COG3: variants seen among roughly 807,000 people sequenced by gnomAD.
COG3 encodes component of oligomeric golgi complex 3.
Under a neutral mutation model 114.1 loss-of-function variants are expected in COG3, and 32 were observed. The ratio of observed to expected loss-of-function variants is 0.28; its 90% CI spans 0.21 to 0.38. COG3 has a LOEUF of 0.38. Ranked by LOEUF, COG3 falls within the 10% of genes least tolerant of loss-of-function variation. The probability of loss-of-function intolerance (pLI) is 1.00; values close to 1 mark genes in which losing one functional copy is unlikely to be tolerated. For missense variants in COG3, 813 were observed against 973.2 expected, an observed-to-expected ratio of 0.84 and a Z score of 2.19; for synonymous variants, 352 against 365.7, an observed-to-expected ratio of 0.96 and a Z score of 0.43.
At chr13:45,491,008 G>A in intron 9 of COG3, 50 bp downstream of exon 9, 1 of 1,243,034 alleles carries the variant, frequency 8.0e-7, no homozygotes, top group African/African-American at 1.5e-5. Context: ...TTGTCTTGTA[G>A]TACTGTTTTT....
chr13:45,485,010 A>T (rs1886496178), intron 7 of COG3, among the ~76,000 whole-genome samples: 2 of 139,676 alleles, frequency 1.4e-5, no homozygotes, highest in Non-Finnish European at 1.6e-5. Flanking sequence ...CCTTCCACAC[A>T]GACACGGCAA....
chr13:45,506,570 C>T (rs1289390919), intron 14 of COG3, among the ~76,000 whole-genome samples: 1 of 152,098 alleles, frequency 6.6e-6, no homozygotes, highest in South Asian at 2.1e-4. Flanking sequence ...AAATCTGCCC[C>T]TGGGGTAGGG....
intron 17 of COG3, 104 bp from the exon 18 acceptor site, chr13:45,518,658 G>A: frequency 1.3e-6 from 1 of 781,324 alleles, no homozygotes; most frequent in Non-Finnish European, 2.1e-6. Flanking sequence ...TGCTGAAGGT[G>A]AATTGGCTTT....
At chr13:45,527,980 A>G (rs1872834710) in intron 20 of COG3, among the ~76,000 whole-genome samples, 1 of 152,184 alleles carries the variant, frequency 6.6e-6, no homozygotes, top group Non-Finnish European at 1.5e-5. Flanking sequence ...CATTCCCAGG[A>G]GGTTAGGTAT....
At chr13:45,492,061 A>G (rs900436175) in intron 10 of COG3, 98 bp from the exon 11 acceptor site, 4 of 690,122 alleles carry the variant, frequency 5.8e-6, no homozygotes, top group Non-Finnish European at 9.8e-6. Context: ...AAGAGTGTGT[A>G]TGTGTTATCT....
In COG3 at chr13:45,534,834, C is replaced by A; in HGVS notation, c.*103C>A. The A allele has an allele frequency of 7.0e-7, 1 of 1,431,454 alleles. No homozygotes were observed. The highest frequency in any genetic ancestry group is 1.5e-5 in the South Asian group (1 of 64,554). The allele number at this position is 1,431,454 out of a possible 1,614,324, so 88.7% of individuals were successfully genotyped here. A position where few individuals can be genotyped will look rare whatever the true frequency, so the allele number is the denominator to read the frequency against. On this transcript the variant is annotated 3_prime_UTR_variant, in exon 23 of 23. Transcript: ENST00000349995. ...GAGGAATCGTATGTGGGAACGTCCC[C>A]GAGAACCACACGAGCGTGCTGCTCA...
At chr13:45,505,934 C>T (rs772958606) in intron 14 of COG3, among the ~76,000 whole-genome samples, 3 of 151,962 alleles carry the variant, frequency 2.0e-5, no homozygotes, top group Non-Finnish European at 2.9e-5. Context: ...CTGGTTCTGT[C>T]GGGCAGGATG....
At chr13:45,502,101 C>T (rs1016622335) in intron 13 of COG3, among the ~76,000 whole-genome samples, 2 of 152,088 alleles carry the variant, frequency 1.3e-5, no homozygotes, top group African/African-American at 4.8e-5. Flanking sequence ...CGGATAACAA[C>T]AGGGAGCAGA....
chr13:45,513,400 C>CATATAAATTATAT (rs1555298574), intron 16 of COG3, among the ~76,000 whole-genome samples: 1 of 35,118 alleles, frequency 2.8e-5, no homozygotes, highest in African/African-American at 1.9e-4. Context: ...ATAAATTATA[C>CATATAAATTATAT]ATATAATATA....
chr13:45,530,494 T>C (rs1420114702), intron 21 of COG3, among the ~76,000 whole-genome samples, 188 bp from the exon 22 acceptor site: 1 of 152,236 alleles, frequency 6.6e-6, no homozygotes, highest in Non-Finnish European at 1.5e-5. Context: ...CTGGGAAGCA[T>C]TATCTGATAA....
chr13:45,465,061 C>T lies in COG3; in HGVS notation c.25C>T (p.Leu9=). The change falls in exon 1 of 23, where the codon CTG becomes TTG. Residue 9 remains leucine, a synonymous_variant. Transcript: ENST00000349995. ...GATGGCGGAGGCGGCGCTGTTGCTG[C>T]TGCCTGAGGCGGCGGCGGAGCGGGA... MAEAALLL[L]PEAAAERDAR... The T allele has an allele frequency of 6.3e-7, 1 of 1,590,592 alleles. No homozygotes were observed. Among genetic ancestry groups the T allele is most frequent in the Non-Finnish European group, 8.5e-7 (1 of 1,169,978 alleles).
chr13:45,499,539 CTCTT>C (rs927227786), intron 13 of COG3, among the ~76,000 whole-genome samples: 2 of 152,118 alleles, frequency 1.3e-5, no homozygotes, highest in Non-Finnish European at 2.9e-5. Flanking sequence ...CAGTTAGTAG[CTCTT>C]TCTTATTTTT....
chr13:45,520,556 G>C (rs914923880), intron 19 of COG3, among the ~76,000 whole-genome samples: 1 of 152,124 alleles, frequency 6.6e-6, no homozygotes, highest in East Asian at 1.9e-4. Flanking sequence ...CCTGAAGCCT[G>C]TGGTAAAGAC....
At position 45,524,995 on chromosome 13, in the gene COG3, T is replaced by C. The variant is rs1230109054; in HGVS notation, c.2174T>C (p.Met725Thr). The C allele has an allele frequency of 2.5e-6, 4 of 1,613,822 alleles. No homozygotes were observed. The highest frequency in any genetic ancestry group is 3.4e-6 in the Non-Finnish European group (4 of 1,179,822). The change falls in exon 20 of 23, where the codon ATG becomes ACG. Residue 725 changes from methionine (M) to threonine (T), a missense_variant. Met to Thr is a moderately conservative substitution (Grantham distance 81). This residue lies in a region of COG3 where 389 missense variants were observed against 542.6 expected (regional missense o/e 0.72). Coordinates refer to ENST00000349995, the MANE Select transcript of COG3 (RefSeq NM_031431.4). Reference protein sequence around the residue: ...FMTKVSALKTMASQGGPKYTL... With the variant: ...FMTKVSALKTTASQGGPKYTL... Reference sequence around the variant, plus strand: ...TATTAGGTTTCAGCGTTAAAAACAATGGCCAGTCAGGGAGGCCCCAAGTAT... The same window carrying C: ...TATTAGGTTTCAGCGTTAAAAACAACGGCCAGTCAGGGAGGCCCCAAGTAT...
intron 22 of COG3, among the ~76,000 whole-genome samples, chr13:45,533,865 G>A (rs1251609828): frequency 1.3e-5 from 2 of 152,240 alleles, no homozygotes; most frequent in Non-Finnish European, 2.9e-5. Context: ...GGCAGGGAAA[G>A]CACAGAGGTG....
chr13:45,473,409 G>A (rs1203043836), intron 1 of COG3, among the ~76,000 whole-genome samples: 8 of 152,130 alleles, frequency 5.3e-5, no homozygotes, highest in Admixed American at 3.9e-4. Flanking sequence ...CCTAGCTTTC[G>A]TGTGTTTTCT....
chr13:45,489,965 A>G (rs1338304378), intron 8 of COG3, among the ~76,000 whole-genome samples: 1 of 152,246 alleles, frequency 6.6e-6, no homozygotes, highest in Admixed American at 6.5e-5. Context: ...TATATTAAGA[A>G]ACATCCCAAA....
intron 14 of COG3, among the ~76,000 whole-genome samples, chr13:45,508,049 A>C (rs374026556): frequency 1.6e-5 from 2 of 126,694 alleles, no homozygotes; most frequent in African/African-American, 6.0e-5. Context: ...AGCCTAGGTG[A>C]CAGAGCCTAG....
rs1593739189 is a variant in COG3, at chr13:45,516,251, A to G, written c.1918A>G (p.Lys640Glu). 1 of 1,587,488 alleles carries G rather than the reference A, an allele frequency of 6.3e-7. No homozygotes were observed. Among genetic ancestry groups the G allele is most frequent in the Non-Finnish European group, 8.6e-7 (1 of 1,162,944 alleles). The change falls in exon 17 of 23, where the codon AAG (lysine) becomes GAG (glutamate). Residue 640 changes from lysine (K) to glutamate (E), a missense_variant. Transcript: ENST00000349995. ...CATTAAGGAAATTTCCCTGGACCTC[A>G]AGAAAACTAGAGGTACTTTGCTGTC... is the stretch of plus-strand genomic sequence containing the variant. ...FTIKEISLDLKKTRDAAFKIL... is the reference protein window; with the variant it reads ...FTIKEISLDLEKTRDAAFKIL...
Sources: gnomAD v4.1 joint callset for allele counts (sites outside exome capture counted in the v4.1 genomes callset) on GRCh38, gnomAD v4.1.1 for gene constraint, gnomAD v4.1.1 regional missense constraint, MANE v1.5 for transcripts, NCBI Gene and HGNC (gene_info 2026-07-23, HGNC 2026-07-21) for gene names.